SPAG16: variants seen among roughly 807,000 people sequenced by gnomAD.
The protein encoded by SPAG16 is sperm associated antigen 16, also known as sperm-associated antigen 16 protein.
A neutral mutation model predicts 80.4 loss-of-function variants in SPAG16; 86 were observed. The observed-to-expected ratio is 1.07, with a 90% CI of 0.90 to 1.28. The LOEUF (loss-of-function observed/expected upper bound fraction) is 1.28. Ranked by LOEUF, SPAG16 falls within the 50% of genes most tolerant of loss-of-function variation. The pLI, the probability that SPAG16 is intolerant of heterozygous loss-of-function variation, is 0.00. For synonymous variants in SPAG16, 294 were observed against 265.9 expected (o/e 1.11, Z -1.03); for missense variants, 870 against 765.3 (o/e 1.14, Z -1.61).
intron 11 of SPAG16, among the ~76,000 whole-genome samples, chr2:213,897,630 A>G (rs2077047851): frequency 6.6e-6 from 1 of 152,022 alleles, no homozygotes; most frequent in Admixed American, 6.6e-5. Context: ...GTCTCAGGGC[A>G]TTTCTTGTGC....
intron 9 of SPAG16, among the ~76,000 whole-genome samples, chr2:213,395,818 T>A (rs1480956361): frequency 6.6e-6 from 1 of 152,230 alleles, no homozygotes; most frequent in Non-Finnish European, 1.5e-5. Flanking sequence ...GGATAGAACA[T>A]CACTTCAATT....
At chr2:213,515,169 A>T (rs1327193066) in intron 10 of SPAG16, among the ~76,000 whole-genome samples, 2 of 152,234 alleles carry the variant, frequency 1.3e-5, no homozygotes, top group African/African-American at 4.8e-5. Context: ...ACGTATGTAT[A>T]TATATATATA....
chr2:214,029,801 T>C (rs2048321055), intron 13 of SPAG16, among the ~76,000 whole-genome samples: 1 of 152,188 alleles, frequency 6.6e-6, no homozygotes, highest in Non-Finnish European at 1.5e-5. Context: ...TAATACATTT[T>C]GCTCTTAACA....
At position 214,368,272 on chromosome 2, in the gene SPAG16, T is replaced by A. The variant is rs146124917; in HGVS notation, c.1721-41868T>A. Among the ~76,000 whole-genome samples, 261 of 152,226 alleles carry A rather than the reference T, an allele frequency of 1.7e-3. 1 individual carries two copies. Among genetic ancestry groups the A allele is most frequent in the African/African-American group, 6.0e-3 (248 of 41,576 alleles). ...TCTTTACTCACACCTGCAACCCACATTTCATTCTGCTTCCAACCCTATCTT... is the reference window on the plus strand; with the variant it reads ...TCTTTACTCACACCTGCAACCCACAATTCATTCTGCTTCCAACCCTATCTT... On this transcript the variant is annotated intron_variant, in intron 15 of 15. Transcript: ENST00000331683.
chr2:214,056,107 A>G (rs1317973043), intron 13 of SPAG16, among the ~76,000 whole-genome samples: 1 of 152,142 alleles, frequency 6.6e-6, no homozygotes, highest in African/African-American at 2.4e-5. Flanking sequence ...AAAGACAGGA[A>G]GCTTTGACCC....
chr2:214,007,822 G>T (rs1239094214), intron 12 of SPAG16, among the ~76,000 whole-genome samples: 2 of 152,130 alleles, frequency 1.3e-5, no homozygotes, highest in Non-Finnish European at 2.9e-5. Context: ...TGTTAAGCAT[G>T]TTTGGATTTT....
At chr2:213,993,609 C>T (rs974508284) in intron 12 of SPAG16, among the ~76,000 whole-genome samples, 1 of 152,080 alleles carries the variant, frequency 6.6e-6, no homozygotes, top group African/African-American at 2.4e-5. Flanking sequence ...CATAAATATC[C>T]ATATAGCTTT....
chr2:213,826,568 T>C (rs759641864), intron 10 of SPAG16, among the ~76,000 whole-genome samples: 4 of 152,032 alleles, frequency 2.6e-5, no homozygotes, highest in South Asian at 2.1e-4. Context: ...CTTCTTGTTA[T>C]TGAATTGTAG....
intron 12 of SPAG16, among the ~76,000 whole-genome samples, chr2:213,948,355 G>A (rs545706720): frequency 2.1e-4 from 32 of 152,248 alleles, no homozygotes; most frequent in African/African-American, 7.0e-4. Flanking sequence ...TAAAGGAAGT[G>A]TGTAACAAAT....
rs549073159 is a variant in SPAG16, at chr2:213,743,789, C to T, written c.1071-118696C>T. Among the ~76,000 whole-genome samples, 107 of 152,204 alleles carry T rather than the reference C, an allele frequency of 7.0e-4. 1 individual carries two copies. Among genetic ancestry groups the T allele is most frequent in the African/African-American group, 2.4e-3 (98 of 41,534 alleles). On this transcript the variant is annotated intron_variant, in intron 10 of 15. Transcript: ENST00000331683. ...GATCTCGTCTTGTCTTCTATCACTT[C>T]TAGAAAATTCTCAGCCATAGCATCT... is the stretch of plus-strand genomic sequence containing the variant.
At chr2:213,823,651 C>T (rs537539307) in intron 10 of SPAG16, among the ~76,000 whole-genome samples, 50 of 152,300 alleles carry the variant, frequency 3.3e-4, no homozygotes, top group African/African-American at 1.2e-3. Context: ...TGAGTCACCA[C>T]ACCACACCCG....
In SPAG16 at chr2:214,014,062, A is replaced by G. The variant is rs370240611; in HGVS notation, c.1512A>G (p.Ile504Met). The change falls in exon 13 of 16, where the codon ATA becomes ATG. Residue 504 changes from isoleucine (I) to methionine (M), a missense_variant. By Grantham distance (10) the Ile-to-Met change is conservative. Coordinates refer to ENST00000331683, the MANE Select transcript of SPAG16 (RefSeq NM_024532.5). ...LTSSADKTLS[I>M]WDARTGICEQ... ...GCTCTGCAGACAAGACCCTGTCTAT[A>G]TGGGATGCAAGAACAGTAAGCAAAT... The G allele has an allele frequency of 1.5e-5, 25 of 1,612,918 alleles. No homozygotes were observed. In the African/African-American group the frequency reaches 2.7e-4, roughly 17 times the overall value.
intron 10 of SPAG16, among the ~76,000 whole-genome samples, chr2:213,631,960 A>G (rs778712530): frequency 1.2e-4 from 19 of 152,134 alleles, no homozygotes; most frequent in Non-Finnish European, 2.8e-4. Flanking sequence ...AGCTTTGGCT[A>G]TTCTGAGTCT....
At chr2:213,575,449 G>T (rs2060090973) in intron 10 of SPAG16, among the ~76,000 whole-genome samples, 1 of 151,974 alleles carries the variant, frequency 6.6e-6, no homozygotes. Context: ...ATTCATTTGA[G>T]ATCTATTGTC....
In SPAG16 at chr2:214,292,514, T is replaced by A. The variant is rs191534201; in HGVS notation, c.1721-117626T>A. ...CATTTTCAGTATTTCTGATTTTTTT[T>A]AAATAACTATTCGGAAAATTTCTCA... On this transcript the variant is annotated intron_variant, in intron 15 of 15. Coordinates refer to ENST00000331683, the MANE Select transcript of SPAG16 (RefSeq NM_024532.5). Among the ~76,000 whole-genome samples, 703 of 152,318 alleles carry A rather than the reference T, an allele frequency of 4.6e-3. 4 individuals are homozygous for A. The highest frequency in any genetic ancestry group is 0.016 in the African/African-American group (658 of 41,582).
intron 10 of SPAG16, among the ~76,000 whole-genome samples, chr2:213,656,679 A>T (rs1235079313): frequency 6.6e-6 from 1 of 152,222 alleles, no homozygotes; most frequent in Non-Finnish European, 1.5e-5. Context: ...GCCTACATGA[A>T]TTATGTAGAC....
rs116362071 is a variant in SPAG16 at position 213,295,941 on chromosome 2, T to C, written c.137-123T>C. 2.4e-3 allele frequency: 1,708 copies of C among 703,466 alleles called. 25 individuals are homozygous for C. The African/African-American group carries it at 0.029, about 12-fold the overall frequency. The allele number at this position is 703,466 out of a possible 1,614,324, so 43.6% of individuals were successfully genotyped here. A position where few individuals can be genotyped will look rare whatever the true frequency, so the allele number is the denominator to read the frequency against. ...GACAAATTTTTTAAAGATTAAATTA[T>C]ATATATTTACCAACTTCCTGGTGAG... is the stretch of plus-strand genomic sequence containing the variant. On this transcript the variant is annotated intron_variant, in intron 1 of 15. Coordinates refer to ENST00000331683, the MANE Select transcript of SPAG16 (RefSeq NM_024532.5).
intron 10 of SPAG16, among the ~76,000 whole-genome samples, chr2:213,795,408 G>C (rs537657349): frequency 6.6e-6 from 1 of 152,278 alleles, no homozygotes; most frequent in South Asian, 2.1e-4. Context: ...CTTCCCATCA[G>C]TGGCAAACTA....
At chr2:213,923,061 G>T (rs1198267695) in intron 11 of SPAG16, among the ~76,000 whole-genome samples, 1 of 152,116 alleles carries the variant, frequency 6.6e-6, no homozygotes, top group African/African-American at 2.4e-5. Flanking sequence ...GAGTGGAGTT[G>T]CCTACCCTGA....
Sources: allele counts gnomAD v4.1 joint callset (sites outside exome capture counted in the v4.1 genomes callset), GRCh38; gene constraint gnomAD v4.1.1; transcripts MANE v1.5; gene names NCBI Gene and HGNC (gene_info 2026-07-23, HGNC 2026-07-21).